EEF1D: variants seen among roughly 807,000 people sequenced by gnomAD.
EEF1D encodes elongation factor 1-delta.
In EEF1D, 47 loss-of-function variants were observed where a neutral mutation model predicts 63.9. That is an observed-to-expected ratio of 0.74 (90% CI 0.58 to 0.94). The LOEUF (loss-of-function observed/expected upper bound fraction) is 0.94. EEF1D is among the 40% of genes least tolerant of loss of function. The pLI is 0.00. For missense variants in EEF1D, 907 were observed against 899.0 expected (o/e 1.01, Z -0.11); for synonymous variants, 412 against 386.1 (o/e 1.07, Z -0.79).
At chr8:143,595,088 T>C (rs1036311878) in intron 1 of EEF1D, among the ~76,000 whole-genome samples, 16 of 152,076 alleles carry the variant, frequency 1.1e-4, no homozygotes, top group African/African-American at 3.9e-4. Flanking sequence ...GGGTTTTTTT[T>C]GAGACGGAGC....
intron 5 of EEF1D, 116 bp downstream of exon 5, chr8:143,586,103 C>T (rs910162114): frequency 1.2e-6 from 1 of 867,936 alleles, no homozygotes; most frequent in South Asian, 1.7e-5. Flanking sequence ...AGCACAGCGC[C>T]GTGCACCCTG....
At chr8:143,586,957 A>T (rs768617445) in intron 3 of EEF1D, 105 bp from the exon 4 acceptor site, 3 of 1,494,120 alleles carry the variant, frequency 2.0e-6, no homozygotes, top group Non-Finnish European at 1.8e-6. Context: ...CGCTTCAGAC[A>T]CCAGCGGTTC....
intron 1 of EEF1D, among the ~76,000 whole-genome samples, chr8:143,595,395 G>A (rs113122933): frequency 0.14 from 21,463 of 151,988 alleles, 1,949 homozygotes; most frequent in East Asian, 0.34. Flanking sequence ...TAGTAGAGAC[G>A]GGGTTTCACC....
At chr8:143,594,771 T>C (rs1828518491) in intron 1 of EEF1D, among the ~76,000 whole-genome samples, 1 of 152,190 alleles carries the variant, frequency 6.6e-6, no homozygotes, top group African/African-American at 2.4e-5. Context: ...GAACTTTCAG[T>C]ACCTTCAGTG....
intron 3 of EEF1D, 177 bp downstream of exon 3, chr8:143,588,813 CA>C (rs1409769477): frequency 1.2e-6 from 1 of 856,464 alleles, no homozygotes; most frequent in Admixed American, 3.0e-5. Flanking sequence ...CTGGAACCCA[CA>C]AGCGCAGCAC....
At chr8:143,581,910 A>C (rs533464101) in intron 5 of EEF1D, 1 of 153,862 alleles carries the variant, frequency 6.5e-6, no homozygotes, top group East Asian at 1.9e-4. Flanking sequence ...CGGGGCCCAG[A>C]CAGGATCCCA....
In EEF1D at chr8:143,580,539, C is replaced by A. The variant is rs1381668652; in HGVS notation, c.1677G>T (p.Val559=). 2 of 1,612,870 alleles carry A rather than the reference C, an allele frequency of 1.2e-6. No individual in the cohort carries two copies. The highest frequency in any genetic ancestry group is 1.7e-6 in the Non-Finnish European group (2 of 1,179,850). Reference sequence around the variant, plus strand: ...CATCCAGCAGGATGGAGGACTTGGCCACCAGTGCAGGCTTCTTGGCCTTCT... The same window carrying A: ...CATCCAGCAGGATGGAGGACTTGGCAACCAGTGCAGGCTTCTTGGCCTTCT... ...AEKKAKKPAL[V]AKSSILLDVK... Residue 559 remains valine (V), a synonymous_variant, in exon 8 of 10, where the codon GTG becomes GTT. Transcript: ENST00000618139.
chr8:143,593,824 G>A (rs371638596), intron 1 of EEF1D: 93 of 983,086 alleles, frequency 9.5e-5, no homozygotes, highest in Middle Eastern at 5.2e-4. Context: ...CCACACGTCC[G>A]AGCCCACCTC....
chr8:143,580,274 A>C (rs534793559), intron 8 of EEF1D, 68 bp from the exon 9 acceptor site: 2 of 1,499,558 alleles, frequency 1.3e-6, no homozygotes, highest in Admixed American at 1.9e-5. Flanking sequence ...ACCTGCATGC[A>C]CCCTACCCTC....
chr8:143,583,490 T>G (rs1825946407), intron 5 of EEF1D: 1 of 152,232 alleles, frequency 6.6e-6, no homozygotes, highest in African/African-American at 2.4e-5. Flanking sequence ...ATGCCTGACT[T>G]GGGCGCAAAA....
At chr8:143,593,064 T>A (rs770953414) in intron 1 of EEF1D, 1 of 152,254 alleles carries the variant, frequency 6.6e-6, no homozygotes, top group Non-Finnish European at 1.5e-5. Flanking sequence ...CCCCTGGAGC[T>A]GCCAAGGAGC....
chr8:143,589,437 C>T lies in EEF1D; in HGVS notation c.645G>A (p.Pro215=), dbSNP rs779714852. 4 of 1,529,056 alleles carry T rather than the reference C, an allele frequency of 2.6e-6. No individual in the cohort carries two copies. The highest frequency in any genetic ancestry group is 2.5e-5 in the South Asian group (2 of 81,394). The allele number at this position is 1,529,056 out of a possible 1,614,324, so 94.7% of individuals were successfully genotyped here. The change falls in exon 3 of 10, where the codon CCG becomes CCA. Residue 215 remains proline, a synonymous_variant. Coordinates refer to ENST00000618139, the MANE Select transcript of EEF1D (RefSeq NM_001130053.5). The part of the protein sequence containing the change: ...VPDLAHQPSP[P]VNGQPPLGSL... ...TGCCCAGCGGGGGCTGGCCATTGAC[C>T]GGTGGGCTGGGCTGGTGGGCCAGGT...
At chr8:143,595,614 T>C (rs1298956176) in intron 1 of EEF1D, among the ~76,000 whole-genome samples, 1 of 152,226 alleles carries the variant, frequency 6.6e-6, no homozygotes, top group Non-Finnish European at 1.5e-5. Flanking sequence ...CAGCCTGTCC[T>C]GCATATCTCA....
Position 143,586,294 on chromosome 8 carries a change from C to G in EEF1D, c.1216-4G>C. The G allele has an allele frequency of 1.9e-6, 3 of 1,585,262 alleles. No individual in the cohort carries two copies. The highest frequency in any genetic ancestry group is 2.6e-6 in the Non-Finnish European group (3 of 1,168,478). ...GGATCACGCTGGCGCCGTTCTCCTG[C>G]AGACAGTGCAGAAAGAACCAGTCTT... On this transcript the variant is annotated splice_region_variant and splice_polypyrimidine_tract_variant and intron_variant, in intron 4 of 9. Coordinates refer to ENST00000618139, the MANE Select transcript of EEF1D (RefSeq NM_001130053.5).
At chr8:143,592,719 T>G in intron 1 of EEF1D, 59 bp from the exon 2 acceptor site, 1 of 985,548 alleles carries the variant, frequency 1.0e-6, no homozygotes, top group Non-Finnish European at 1.2e-6. Flanking sequence ...ACTAACCGGG[T>G]CAGACACAGC....
chr8:143,580,494 C>A lies in EEF1D; in HGVS notation c.1710+12G>T. 6.2e-7 allele frequency: 1 copy of A among 1,609,748 alleles called. No individual in the cohort carries two copies. ...GTGCCTGGCCCCCTGAAGCCCCACC[C>A]CGCCCACTCACAGGCTTGACATCCA... On this transcript the variant is annotated intron_variant, in intron 8 of 9. Transcript: ENST00000618139.
intron 5 of EEF1D, among the ~76,000 whole-genome samples, chr8:143,585,851 T>C (rs1826483045): frequency 1.3e-5 from 2 of 152,148 alleles, no homozygotes; most frequent in South Asian, 2.1e-4. Flanking sequence ...TAAGAGGGAA[T>C]GTGGGAAGGC....
In EEF1D at chr8:143,580,536, G is replaced by A. The variant is rs1004759417; in HGVS notation, c.1680C>T (p.Ala560=). Reference sequence around the variant, plus strand: ...TGACATCCAGCAGGATGGAGGACTTGGCCACCAGTGCAGGCTTCTTGGCCT... The same window carrying A: ...TGACATCCAGCAGGATGGAGGACTTAGCCACCAGTGCAGGCTTCTTGGCCT... The part of the protein sequence containing the change: ...EKKAKKPALV[A]KSSILLDVKP... Residue 560 remains alanine (A), a synonymous_variant, in exon 8 of 10, where the codon GCC becomes GCT. Transcript: ENST00000618139. 1.2e-6 allele frequency: 2 copies of A among 1,612,884 alleles called. No homozygotes were observed. Among genetic ancestry groups the A allele is most frequent in the Admixed American group, 3.3e-5 (2 of 60,022 alleles).
At position 143,580,746 on chromosome 8, in the gene EEF1D, C is replaced by T. The variant is rs1261047969; in HGVS notation, c.1489-19G>A. 1 of 1,610,966 alleles carries T rather than the reference C, an allele frequency of 6.2e-7. No homozygotes were observed. The highest frequency in any genetic ancestry group is 1.7e-5 in the Admixed American group (1 of 60,028). ...ATACGTGCTGCCACAGGGGAAGGGA[C>T]AGGAGGCACGGCTGAGACGCCCCAA... On this transcript the variant is annotated intron_variant, in intron 7 of 9. Transcript: ENST00000618139.
Sources: gnomAD v4.1 joint callset for allele counts (sites outside exome capture counted in the v4.1 genomes callset) on GRCh38, gnomAD v4.1.1 for gene constraint, MANE v1.5 for transcripts, NCBI Gene and HGNC (gene_info 2026-07-23, HGNC 2026-07-21) for gene names.